Variants in RRP15 observed in about 807,000 individuals in gnomAD.
RRP15 encodes RRP15-like protein.
A neutral mutation model predicts 27.1 loss-of-function variants in RRP15; 18 were observed. The observed-to-expected ratio is 0.66, with a 90% CI of 0.46 to 0.98. The LOEUF (loss-of-function observed/expected upper bound fraction) is 0.98. Ranked by LOEUF, RRP15 falls within the 50% of genes least tolerant of loss-of-function variation. The probability of loss-of-function intolerance (pLI) is 0.00; values close to 1 mark genes in which losing one functional copy is unlikely to be tolerated. For missense variants in RRP15, 359 were observed against 337.8 expected (o/e 1.06, Z -0.49); for synonymous variants, 107 against 109.4 (o/e 0.98, Z 0.14).
At chr1:218,324,197 G>A (rs1656234622) in intron 4 of RRP15, among the ~76,000 whole-genome samples, 2 of 152,296 alleles carry the variant, frequency 1.3e-5, no homozygotes, top group East Asian at 1.9e-4. Flanking sequence ...GAGCGGGCCT[G>A]GGAACTGGTG....
intron 4 of RRP15, among the ~76,000 whole-genome samples, chr1:218,309,850 C>T (rs1655964855): frequency 6.6e-6 from 1 of 152,074 alleles, no homozygotes. Context: ...ATTAGTATGT[C>T]AAGTACACGT....
chr1:218,297,862 T>C (rs1256590400), intron 1 of RRP15, among the ~76,000 whole-genome samples: 2 of 152,200 alleles, frequency 1.3e-5, no homozygotes, highest in East Asian at 3.9e-4. Context: ...TTTAAACTAC[T>C]TGGTTTTAAT....
Position 218,333,996 on chromosome 1 carries a change from ATTATC to A in RRP15, c.*2910_*2914del, listed in dbSNP as rs1036591281. ...TTTCCTTATTTCATATATAGAAATAATTATCTTATTTCCTTATTTCATATATAGAA... is the reference window on the plus strand; with the variant it reads ...TTTCCTTATTTCATATATAGAAATAATTATTTCCTTATTTCATATATAGAA... On this transcript the variant is annotated 3_prime_UTR_variant, in exon 5 of 5. Coordinates refer to ENST00000366932, the MANE Select transcript of RRP15 (RefSeq NM_016052.4). The A allele has an allele frequency of 7.2e-5, 11 of 152,264 alleles. No homozygotes were observed. The highest frequency in any genetic ancestry group is 2.4e-4 in the African/African-American group (10 of 41,554). The allele number at this position is 152,264 out of a possible 1,614,324, so 9.4% of individuals were successfully genotyped here.
intron 4 of RRP15, among the ~76,000 whole-genome samples, chr1:218,320,017 G>GT (rs1209984509): frequency 0.048 from 6,004 of 123,948 alleles, 333 homozygotes; most frequent in African/African-American, 0.14. Context: ...GGTACCTTAG[G>GT]TTTTTTTTTT....
chr1:218,285,388 G>A lies in RRP15; in HGVS notation c.72G>A (p.Met24Ile), dbSNP rs1655528051. The A allele has an allele frequency of 6.2e-7, 1 of 1,614,162 alleles. No homozygotes were observed. Among genetic ancestry groups the A allele is most frequent in the Non-Finnish European group, 8.5e-7 (1 of 1,180,040 alleles). Residue 24 changes from methionine to isoleucine, a missense_variant, in exon 1 of 5, where the codon ATG becomes ATA. Met to Ile is a conservative substitution (Grantham distance 10). Coordinates refer to ENST00000366932, the MANE Select transcript of RRP15 (RefSeq NM_016052.4). ...ENLKKTPKKK[M>I]KMVTGAVASV... is the part of the protein sequence containing the mutation. The stretch of plus-strand genomic sequence containing the variant: ...TGAAAAAGACCCCAAAGAAGAAGAT[G>A]AAAATGGTAACTGGAGCCGTAGCGT...
In RRP15 at chr1:218,336,120, C is replaced by T. The variant is rs1656443768; in HGVS notation, c.*5029C>T. 1 of 152,024 alleles carries T rather than the reference C, an allele frequency of 6.6e-6. No homozygotes were observed. Among genetic ancestry groups the T allele is most frequent in the Non-Finnish European group, 1.5e-5 (1 of 68,008 alleles). The allele number at this position is 152,024 out of a possible 1,614,324, so 9.4% of individuals were successfully genotyped here. A position where few individuals can be genotyped will look rare whatever the true frequency, so the allele number is the denominator to read the frequency against. On this transcript the variant is annotated 3_prime_UTR_variant, in exon 5 of 5. Coordinates refer to ENST00000366932, the MANE Select transcript of RRP15 (RefSeq NM_016052.4). Reference sequence around the variant, plus strand: ...CATGTTTTTCACTTATATCTAGAGGCCTACTTATTTAGGAGGTTTCCTAAG... The same window carrying T: ...CATGTTTTTCACTTATATCTAGAGGTCTACTTATTTAGGAGGTTTCCTAAG...
chr1:218,314,706 T>G (rs924061085), intron 4 of RRP15, among the ~76,000 whole-genome samples: 3 of 152,134 alleles, frequency 2.0e-5, no homozygotes, highest in East Asian at 1.9e-4. Context: ...AGAAAATGAT[T>G]TTTTGGCGGG....
intron 1 of RRP15, 151 bp downstream of exon 1, chr1:218,285,606 TGG>T: frequency 1.1e-6 from 1 of 904,360 alleles, no homozygotes; most frequent in Non-Finnish European, 1.7e-6. Flanking sequence ...TGAGGAGGCT[TGG>T]GGAAGTCGTG....
intron 3 of RRP15, among the ~76,000 whole-genome samples, chr1:218,306,422 G>T (rs1026111437): frequency 6.6e-6 from 1 of 152,094 alleles, no homozygotes; most frequent in Non-Finnish European, 1.5e-5. Context: ...TTGTCGGGGG[G>T]AGATGTTACC....
At chr1:218,290,434 AT>A (rs1275760025) in intron 1 of RRP15, among the ~76,000 whole-genome samples, 2 of 151,524 alleles carry the variant, frequency 1.3e-5, no homozygotes, top group African/African-American at 4.9e-5. Flanking sequence ...TCTTATGTGG[AT>A]TTTTTTTGGG....
intron 3 of RRP15, among the ~76,000 whole-genome samples, chr1:218,306,104 C>T (rs746922865): frequency 6.6e-6 from 1 of 152,186 alleles, no homozygotes; most frequent in Non-Finnish European, 1.5e-5. Context: ...TCCCTTTCCT[C>T]ACCCTGGTCC....
In RRP15 at chr1:218,318,021, T is replaced by C. The variant is rs536178310; in HGVS notation, c.705+10389T>C. ...AAGTGCTGGGATTACAGGCGTGAAC[T>C]CCCAGCTCTTTTATAAAAATTGTCA... On this transcript the variant is annotated intron_variant, in intron 4 of 4. Transcript: ENST00000366932. Among the ~76,000 whole-genome samples, 561 of 152,100 alleles carry C rather than the reference T, an allele frequency of 3.7e-3. 5 individuals are homozygous for C. The highest frequency in any genetic ancestry group is 4.9e-3 in the Non-Finnish European group (334 of 67,978).
At chr1:218,323,711 C>T (rs1374634520) in intron 4 of RRP15, among the ~76,000 whole-genome samples, 1 of 152,222 alleles carries the variant, frequency 6.6e-6, no homozygotes, top group African/African-American at 2.4e-5. Flanking sequence ...GCCCTTAGCC[C>T]CACCTCGGCC....
chr1:218,311,615 T>C (rs994326447), intron 4 of RRP15, among the ~76,000 whole-genome samples: 1 of 152,228 alleles, frequency 6.6e-6, no homozygotes, highest in African/African-American at 2.4e-5. Context: ...TGCACTGTCA[T>C]TTTGCAACAT....
chr1:218,302,208 A>C (rs1655820214), intron 1 of RRP15, 86 bp from the exon 2 acceptor site: 13 of 972,184 alleles, frequency 1.3e-5, no homozygotes, highest in Non-Finnish European at 1.9e-5. Flanking sequence ...GGGGACAGGC[A>C]GAGCTCCAGG....
chr1:218,329,237 CAAAAAAAAAAAAAAAAAAA>C (rs1164512474), intron 4 of RRP15, among the ~76,000 whole-genome samples: 5 of 53,578 alleles, frequency 9.3e-5, no homozygotes, highest in East Asian at 8.4e-4. Flanking sequence ...CCTGTCTCTA[CAAAAAAAAAAAAAAAAAAA>C]AAAAAAAAAA....
intron 4 of RRP15, among the ~76,000 whole-genome samples, chr1:218,327,843 C>A (rs1441252200): frequency 1.3e-5 from 2 of 152,148 alleles, no homozygotes; most frequent in East Asian, 1.9e-4. Context: ...TTTCTAAAAT[C>A]TTTCCCTCTC....
Position 218,302,497 on chromosome 1 carries a change from A to G in RRP15, c.343A>G (p.Asn115Asp), listed in dbSNP as rs753424447. ...PESKPTILVK[N>D]KKLEKEKEKL... Reference sequence around the variant, plus strand: ...AAGTAAACCTACTATTCTGGTCAAAAATAAGAAGCTGGAAAAGGAAAAAGA... The same window carrying G: ...AAGTAAACCTACTATTCTGGTCAAAGATAAGAAGCTGGAAAAGGAAAAAGA... The change falls in exon 2 of 5, where the codon AAT becomes GAT. Residue 115 changes from asparagine to aspartate, a missense_variant. Physicochemically the swap from Asn to Asp is conservative, Grantham distance 23. Coordinates refer to ENST00000366932, the MANE Select transcript of RRP15 (RefSeq NM_016052.4). 3.1e-6 allele frequency: 5 copies of G among 1,613,964 alleles called. No homozygotes were observed. Among genetic ancestry groups the G allele is most frequent in the Non-Finnish European group, 8.5e-7 (1 of 1,179,988 alleles).
chr1:218,332,028 A>T lies in RRP15; in HGVS notation c.*937A>T, dbSNP rs1201613514. 6.6e-6 allele frequency: 1 copy of T among 152,162 alleles called. No homozygotes were observed. The highest frequency in any genetic ancestry group is 2.4e-5 in the African/African-American group (1 of 41,420). The allele number at this position is 152,162 out of a possible 1,614,324, so 9.4% of individuals were successfully genotyped here. A position where few individuals can be genotyped will look rare whatever the true frequency, so the allele number is the denominator to read the frequency against. On this transcript the variant is annotated 3_prime_UTR_variant, in exon 5 of 5. Transcript: ENST00000366932. ...CTTTCATTTATTAAATAATATAAAT[A>T]ATGACAGATTTATTTTAGGTGTTAG...
Sources: allele counts gnomAD v4.1 joint callset (sites outside exome capture counted in the v4.1 genomes callset), GRCh38; gene constraint gnomAD v4.1.1; transcripts MANE v1.5; gene names NCBI Gene and HGNC (gene_info 2026-07-23, HGNC 2026-07-21).